Variants in ABCB7 observed in about 807,000 individuals in gnomAD.
ABCB7 encodes ATP binding cassette subfamily B member 7, also known as iron-sulfur clusters transporter ABCB7, mitochondrial.
ABCB7 carries 7 observed loss-of-function variants against 54.4 expected under a neutral mutation model. The observed-to-expected ratio is 0.13, with a 90% CI of 0.07 to 0.24. The LOEUF (loss-of-function observed/expected upper bound fraction) is 0.24. Among genes scored for constraint, ABCB7 ranks in the 10% least tolerant of loss-of-function variants. ABCB7 has a pLI of 1.00. For synonymous variants in ABCB7, 218 were observed against 207.1 expected (o/e 1.05, Z -0.45); for missense variants, 356 against 570.4 (o/e 0.62, Z 3.83).
At chrX:75,116,476 CAA>C (rs2081821481) in intron 1 of ABCB7, among the ~76,000 whole-genome samples, 1 of 111,337 alleles carries the variant, frequency 9.0e-6, no homozygotes, top group South Asian at 3.8e-4. Context: ...CAACTCCAAT[CAA>C]AGTTTCCTTG....
chrX:75,060,439 G>GT lies in ABCB7; in HGVS notation c.1936-110dup, dbSNP rs113544170. The GT allele has an allele frequency of 0.022, 12,934 of 576,385 alleles. 1,100 individuals carry two copies. The African/African-American group carries it at 0.26, about 12-fold the overall frequency. The allele number at this position is 576,385 out of a possible 1,213,427, so 47.5% of individuals were successfully genotyped here. A position where few individuals can be genotyped will look rare whatever the true frequency, so the allele number is the denominator to read the frequency against. On this transcript the variant is annotated intron_variant, in intron 14 of 15. Coordinates refer to ENST00000373394, the MANE Select transcript of ABCB7 (RefSeq NM_001271696.3). ...TCCTAAAGGAACATAAAAAATGCCA[G>GT]TTTTTTTTTAGTATGTAACTTTATA...
rs114142266 is a variant in ABCB7 at position 75,114,799 on chromosome X, C to G, written c.201G>C (p.Gln67His). The change falls in exon 2 of 16, where the codon CAG becomes CAC. Residue 67 changes from glutamine to histidine, a missense_variant. Physicochemically the swap from Gln to His is conservative, Grantham distance 24. This residue lies in a region of ABCB7 where 115 missense variants were observed against 99.5 expected (regional missense o/e 1.16). Coordinates refer to ENST00000373394, the MANE Select transcript of ABCB7 (RefSeq NM_001271696.3). ...GTCCTGAATTGCCTTTTCCCAATCTCTGCCATGTGATACTTTTTAATGACT... is the reference window on the plus strand; with the variant it reads ...GTCCTGAATTGCCTTTTCCCAATCTGTGCCATGTGATACTTTTTAATGACT... ...IPESLKSITW[Q>H]RLGKGNSGQF... 7.8e-4 allele frequency: 935 copies of G among 1,199,812 alleles called. 3 individuals carry two copies. The African/African-American group carries it at 0.014, about 18-fold the overall frequency.
intron 4 of ABCB7, among the ~76,000 whole-genome samples, chrX:75,082,406 A>C (rs2081463183): frequency 8.9e-6 from 1 of 111,900 alleles, no homozygotes; most frequent in African/African-American, 3.2e-5. Context: ...TAAGAGAATT[A>C]GTTACCAGAA....
At chrX:75,147,869 A>G (rs1438454268) in intron 1 of ABCB7, among the ~76,000 whole-genome samples, 1 of 112,386 alleles carries the variant, frequency 8.9e-6, no homozygotes, top group Non-Finnish European at 1.9e-5. Flanking sequence ...TAATCCCAGC[A>G]CTTTGGAAGG....
At chrX:75,097,294 T>A (rs2081599706) in intron 4 of ABCB7, among the ~76,000 whole-genome samples, 1 of 111,674 alleles carries the variant, frequency 9.0e-6, no homozygotes, top group Admixed American at 9.5e-5. Context: ...ATTTTTCATG[T>A]TATTCCTACA....
intron 1 of ABCB7, among the ~76,000 whole-genome samples, 167 bp downstream of exon 1, chrX:75,155,938 C>T (rs2082171830): frequency 9.0e-6 from 1 of 111,509 alleles, no homozygotes; most frequent in South Asian, 3.9e-4. Context: ...TTTTCTTCTT[C>T]GCCCTTTCCT....
chrX:75,094,050 A>ATATCTATCTATC (rs201456786), intron 4 of ABCB7, among the ~76,000 whole-genome samples: 1 of 20,482 alleles, frequency 4.9e-5, no homozygotes, highest in African/African-American at 7.0e-5. Context: ...ATATATATAT[A>ATATCTATCTATC]TATCTATCTT....
At chrX:75,135,512 TACA>T (rs766043556) in intron 1 of ABCB7, among the ~76,000 whole-genome samples, 2 of 110,654 alleles carry the variant, frequency 1.8e-5, no homozygotes, top group Admixed American at 9.7e-5. Flanking sequence ...CTGGCAGAGA[TACA>T]ACAACAACAA....
At chrX:75,062,940 A>C (rs1388129338) in intron 13 of ABCB7, among the ~76,000 whole-genome samples, 2 of 111,665 alleles carry the variant, frequency 1.8e-5, no homozygotes, top group Non-Finnish European at 3.8e-5. Flanking sequence ...GAAAGCTATT[A>C]TTTTCACAGC....
chrX:75,111,807 T>C (rs2081762544), intron 3 of ABCB7, among the ~76,000 whole-genome samples: 2 of 112,399 alleles, frequency 1.8e-5, no homozygotes, highest in African/African-American at 3.2e-5. Flanking sequence ...AAGTAGCTGC[T>C]TCTCCTTTAT....
At chrX:75,116,789 T>C (rs2147528921) in intron 1 of ABCB7, among the ~76,000 whole-genome samples, 1 of 110,419 alleles carries the variant, frequency 9.1e-6, no homozygotes, top group Admixed American at 9.6e-5. Flanking sequence ...AGCTACGAGG[T>C]CGGCACAAAA....
intron 1 of ABCB7, among the ~76,000 whole-genome samples, chrX:75,130,896 G>T (rs777793416): frequency 9.0e-6 from 1 of 110,559 alleles, no homozygotes; most frequent in South Asian, 3.8e-4. Context: ...CAAAGGAAAA[G>T]AAAAAATCAA....
rs949721054 is a variant in ABCB7 at position 75,076,631 on chromosome X, G to A, written c.477C>T (p.Phe159=). 8.3e-7 allele frequency: 1 copy of A among 1,209,754 alleles called. No homozygotes were observed. Among genetic ancestry groups the A allele is most frequent in the Non-Finnish European group, 1.1e-6 (1 of 893,960 alleles). Reference sequence around the variant, plus strand: ...GGCTGTCTACAGCATATTTAAACATGAAGGGAACCACAATATTCATGGCCT... The same window carrying A: ...GGCTGTCTACAGCATATTTAAACATAAAGGGAACCACAATATTCATGGCCT... ...GAKAMNIVVP[F]MFKYAVDSLN... The change falls in exon 5 of 16, where the codon TTC becomes TTT. Residue 159 remains phenylalanine, a synonymous_variant. Transcript: ENST00000373394.
chrX:75,143,192 T>G (rs142330104), intron 1 of ABCB7, among the ~76,000 whole-genome samples: 1,240 of 111,728 alleles, frequency 0.011, 15 homozygotes, highest in African/African-American at 0.038. Context: ...GCTTTGCTGC[T>G]TAGAAATTTC....
chrX:75,132,369 A>G (rs1013767754), intron 1 of ABCB7, among the ~76,000 whole-genome samples: 1 of 113,154 alleles, frequency 8.8e-6, no homozygotes, highest in Non-Finnish European at 1.9e-5. Flanking sequence ...CAGCCACTCC[A>G]CATTAGGCTG....
intron 10 of ABCB7, 69 bp downstream of exon 10, chrX:75,070,296 T>C: frequency 9.4e-7 from 1 of 1,066,968 alleles, no homozygotes; most frequent in African/African-American, 1.8e-5. Flanking sequence ...GTAGGAATAT[T>C]CCTAGAATAA....
At chrX:75,138,354 A>G (rs2082028671) in intron 1 of ABCB7, among the ~76,000 whole-genome samples, 1 of 112,162 alleles carries the variant, frequency 8.9e-6, no homozygotes, top group South Asian at 3.7e-4. Flanking sequence ...ATACGTATGT[A>G]CACACACACA....
chrX:75,081,471 T>C (rs1488841392), intron 4 of ABCB7, among the ~76,000 whole-genome samples: 1 of 112,188 alleles, frequency 8.9e-6, no homozygotes, highest in Admixed American at 9.5e-5. Context: ...GCAAGTATTA[T>C]TGAACTTGAA....
intron 1 of ABCB7, among the ~76,000 whole-genome samples, chrX:75,130,762 C>A (rs1229503302): frequency 9.1e-6 from 1 of 110,206 alleles, no homozygotes; most frequent in Non-Finnish European, 1.9e-5. Context: ...GAAGAAAGAC[C>A]CTGGGAAAAG....
Sources: gnomAD v4.1 joint callset for allele counts (sites outside exome capture counted in the v4.1 genomes callset) on GRCh38, gnomAD v4.1.1 for gene constraint, gnomAD v4.1.1 regional missense constraint, MANE v1.5 for transcripts, NCBI Gene and HGNC (gene_info 2026-07-23, HGNC 2026-07-21) for gene names.